The following RGS17 variants were observed in gnomAD, a reference collection of about 807,000 sequenced individuals.
The protein encoded by RGS17 is regulator of G-protein signaling 17.
Under a neutral mutation model 25.5 loss-of-function variants are expected in RGS17, and 12 were observed. That is an observed-to-expected ratio of 0.47 (90% CI 0.30 to 0.76). The LOEUF (loss-of-function observed/expected upper bound fraction) is 0.76, where lower values mean the gene tolerates loss of function less well. RGS17 is among the 30% of genes least tolerant of loss of function. RGS17 has a pLI of 0.07. For missense variants in RGS17, 196 were observed against 242.2 expected (o/e 0.81, Z 1.27); for synonymous variants, 71 against 76.9 (o/e 0.92, Z 0.40).
intron 1 of RGS17, among the ~76,000 whole-genome samples, chr6:153,106,825 G>T (rs979169022): frequency 1.3e-5 from 2 of 151,634 alleles, no homozygotes; most frequent in Admixed American, 1.3e-4. Context: ...GTAGAAATGC[G>T]GTTTCACCAT....
At chr6:153,072,529 A>G (rs969540387) in intron 1 of RGS17, among the ~76,000 whole-genome samples, 2 of 152,210 alleles carry the variant, frequency 1.3e-5, no homozygotes, top group African/African-American at 4.8e-5. Flanking sequence ...TCGTTACTGG[A>G]TGTCCAGTTA....
intron 1 of RGS17, among the ~76,000 whole-genome samples, chr6:153,104,728 T>G (rs1777353627): frequency 6.6e-6 from 1 of 151,644 alleles, no homozygotes; most frequent in Non-Finnish European, 1.5e-5. Context: ...GATGGGGGAA[T>G]TTATATTTTA....
intron 1 of RGS17, among the ~76,000 whole-genome samples, chr6:153,100,896 C>T (rs745316814): frequency 2.0e-5 from 3 of 152,154 alleles, no homozygotes; most frequent in Non-Finnish European, 4.4e-5. Flanking sequence ...CCAAGCTGTA[C>T]CCAATCTGGC....
intron 1 of RGS17, among the ~76,000 whole-genome samples, chr6:153,077,746 T>G (rs2129118563): frequency 6.6e-6 from 1 of 152,346 alleles, no homozygotes; most frequent in East Asian, 1.9e-4. Flanking sequence ...CTTAGAATTA[T>G]GATGAAATTA....
intron 1 of RGS17, among the ~76,000 whole-genome samples, chr6:153,077,153 C>T (rs1287461896): frequency 1.3e-5 from 2 of 152,056 alleles, no homozygotes; most frequent in Non-Finnish European, 2.9e-5. Context: ...AATTTCTAGA[C>T]CTAATTTTCA....
intron 2 of RGS17, 41 bp from the exon 3 acceptor site, chr6:153,026,584 C>A: frequency 6.8e-7 from 1 of 1,469,494 alleles, no homozygotes; most frequent in South Asian, 1.2e-5. Flanking sequence ...AAGGGAAATT[C>A]AATCAGTTGA....
Position 153,024,317 on chromosome 6 carries a change from T to A in RGS17, c.389A>T (p.Glu130Val). The A allele has an allele frequency of 6.2e-7, 1 of 1,613,962 alleles. No individual in the cohort carries two copies. Among genetic ancestry groups the A allele is most frequent in the Non-Finnish European group, 8.5e-7 (1 of 1,179,856 alleles). ...TTCATATATCATCCTAGCCTTTTCT[T>A]CAATTACTTTTTTGTTCTGCTCCTT... The part of the protein sequence containing the change: ...LKKEQNKKVI[E>V]EKARMIYEDY... The change falls in exon 4 of 5, where the codon GAA becomes GTA. Residue 130 changes from glutamate (E) to valine (V), a missense_variant. Glu to Val is a moderately radical substitution (Grantham distance 121). This residue lies in a region of RGS17 where 179 missense variants were observed against 197.6 expected (regional missense o/e 0.91). Transcript: ENST00000206262.
At chr6:153,123,066 CCAATT>C in intron 1 of RGS17, among the ~76,000 whole-genome samples, 1 of 145,466 alleles carries the variant, frequency 6.9e-6, no homozygotes, top group Admixed American at 6.8e-5. Flanking sequence ...ATTTAATACT[CCAATT>C]CACAACACGG....
chr6:153,056,568 A>G (rs543058315), intron 1 of RGS17, among the ~76,000 whole-genome samples: 7 of 152,284 alleles, frequency 4.6e-5, no homozygotes, highest in African/African-American at 1.4e-4. Context: ...TCCTTGAAAG[A>G]GGTTGATTTA....
chr6:153,037,048 C>T (rs1776253906), intron 2 of RGS17, among the ~76,000 whole-genome samples: 1 of 152,048 alleles, frequency 6.6e-6, no homozygotes, highest in Non-Finnish European at 1.5e-5. Flanking sequence ...TTTGTCATTG[C>T]CTATCTCCCT....
intron 1 of RGS17, among the ~76,000 whole-genome samples, chr6:153,093,828 A>G (rs1777167220): frequency 6.6e-6 from 1 of 152,154 alleles, no homozygotes; most frequent in African/African-American, 2.4e-5. Flanking sequence ...GGGGACTTGA[A>G]CTTCAGCCCT....
intron 1 of RGS17, among the ~76,000 whole-genome samples, chr6:153,089,120 C>T (rs558171209): frequency 3.8e-4 from 57 of 151,626 alleles, no homozygotes; most frequent in Non-Finnish European, 6.2e-4. Flanking sequence ...CTTTTAGGGA[C>T]GCTTCAAAGT....
rs1265750643 is a variant in RGS17, at chr6:153,005,931, A to T, written c.*5643T>A. The T allele has an allele frequency of 2.0e-5, 3 of 152,208 alleles. No individual in the cohort carries two copies. The highest frequency in any genetic ancestry group is 6.5e-5 in the Admixed American group (1 of 15,276). The allele number at this position is 152,208 out of a possible 1,614,324, so 9.4% of individuals were successfully genotyped here. The stretch of plus-strand genomic sequence containing the variant: ...ATTAATGCCCATAGATGTATATGGG[A>T]CCTCTCTATTTGGAGTTTTTCTGTA... On this transcript the variant is annotated 3_prime_UTR_variant, in exon 5 of 5. Transcript: ENST00000206262.
intron 1 of RGS17, among the ~76,000 whole-genome samples, chr6:153,102,172 C>T (rs1777313863): frequency 6.6e-6 from 1 of 152,204 alleles, no homozygotes; most frequent in South Asian, 2.1e-4. Context: ...CCAGCTGATG[C>T]TCTGAGAGAG....
intron 1 of RGS17, among the ~76,000 whole-genome samples, chr6:153,049,887 T>C (rs1016356092): frequency 6.6e-6 from 1 of 151,964 alleles, no homozygotes; most frequent in Non-Finnish European, 1.5e-5. Context: ...TAAAAATAAG[T>C]GGGGGTGTTT....
At chr6:153,111,754 C>T (rs1394385872) in intron 1 of RGS17, among the ~76,000 whole-genome samples, 1 of 152,194 alleles carries the variant, frequency 6.6e-6, no homozygotes, top group African/African-American at 2.4e-5. Context: ...GAACAGGCAG[C>T]AATCTTTGCT....
Position 153,006,533 on chromosome 6 carries a change from A to G in RGS17, c.*5041T>C, listed in dbSNP as rs1194638221. ...CTGATTTGGGATCACATTATTGAGA[A>G]AAGCAGTAACACTGATATAGTGTTC... On this transcript the variant is annotated 3_prime_UTR_variant, in exon 5 of 5. Coordinates refer to ENST00000206262, the MANE Select transcript of RGS17 (RefSeq NM_012419.5). 1.3e-5 allele frequency: 2 copies of G among 152,584 alleles called. No individual in the cohort carries two copies. The highest frequency in any genetic ancestry group is 6.5e-5 in the Admixed American group (1 of 15,284). 9.5% of individuals were successfully genotyped at this position (152,584 alleles called of 1,614,324 possible).
intron 4 of RGS17, among the ~76,000 whole-genome samples, chr6:153,020,559 TA>T (rs1379882786): frequency 2.6e-5 from 4 of 152,092 alleles, no homozygotes; most frequent in African/African-American, 7.2e-5. Flanking sequence ...ATAGTTTCAT[TA>T]GGGGAAAAAG....
At chr6:153,036,765 G>A (rs1562316919) in intron 2 of RGS17, among the ~76,000 whole-genome samples, 1 of 152,110 alleles carries the variant, frequency 6.6e-6, no homozygotes, top group Non-Finnish European at 1.5e-5. Flanking sequence ...ATTCTTGGCA[G>A]TATATCCTAA....
Sources: gnomAD v4.1 joint callset for allele counts (sites outside exome capture counted in the v4.1 genomes callset) on GRCh38, gnomAD v4.1.1 for gene constraint, gnomAD v4.1.1 regional missense constraint, MANE v1.5 for transcripts, NCBI Gene and HGNC (gene_info 2026-07-23, HGNC 2026-07-21) for gene names.